The following OXSR1 variants were observed in gnomAD, a reference collection of about 807,000 sequenced individuals.
OXSR1 encodes the protein oxidative stress responsive kinase 1.
In OXSR1, 24 loss-of-function variants were observed where a neutral mutation model predicts 79.8. The ratio of observed to expected loss-of-function variants is 0.30; its 90% CI spans 0.22 to 0.42. The LOEUF (loss-of-function observed/expected upper bound fraction) is 0.42. Ranked by LOEUF, OXSR1 falls within the 10% of genes least tolerant of loss-of-function variation. OXSR1 has a pLI of 1.00. For missense variants in OXSR1, 430 were observed against 618.4 expected (o/e 0.70, Z 3.23); for synonymous variants, 226 against 209.2 (o/e 1.08, Z -0.69).
chr3:38,187,348 G>A (rs568983349), intron 2 of OXSR1, among the ~76,000 whole-genome samples: 30 of 152,220 alleles, frequency 2.0e-4, no homozygotes, highest in Middle Eastern at 3.4e-3. Context: ...CAGAGATATC[G>A]AGACTCTAAA....
chr3:38,207,519 C>T (rs1021652144), intron 4 of OXSR1, among the ~76,000 whole-genome samples: 1 of 152,126 alleles, frequency 6.6e-6, no homozygotes, highest in African/African-American at 2.4e-5. Flanking sequence ...TTTAGCAATA[C>T]CTGGAGCCAT....
intron 1 of OXSR1, among the ~76,000 whole-genome samples, chr3:38,169,589 G>A (rs1447188625): frequency 6.6e-6 from 1 of 151,964 alleles, no homozygotes; most frequent in African/African-American, 2.4e-5. Flanking sequence ...ACAGGGGTGA[G>A]CCACTGCGCC....
chr3:38,181,378 CAG>C (rs1180936989), intron 1 of OXSR1, among the ~76,000 whole-genome samples: 3 of 125,604 alleles, frequency 2.4e-5, no homozygotes, highest in African/African-American at 6.1e-5. Context: ...TTTTTTGAGA[CAG>C]AGTCTCACTC....
chr3:38,199,262 T>A (rs944397147), intron 4 of OXSR1, among the ~76,000 whole-genome samples: 1 of 151,902 alleles, frequency 6.6e-6, no homozygotes, highest in African/African-American at 2.4e-5. Flanking sequence ...TTTAAAATTA[T>A]AGCCTTTTTT....
intron 11 of OXSR1, among the ~76,000 whole-genome samples, chr3:38,241,133 A>C (rs1370596129): frequency 6.6e-6 from 1 of 152,186 alleles, no homozygotes; most frequent in East Asian, 1.9e-4. Flanking sequence ...GAAGTAGGAA[A>C]ATTCCTTGAC....
chr3:38,243,749 TA>T (rs1488804418), intron 12 of OXSR1, among the ~76,000 whole-genome samples: 2 of 152,230 alleles, frequency 1.3e-5, no homozygotes, highest in Admixed American at 1.3e-4. Context: ...GTATTAAGAG[TA>T]AAAACAAATA....
At chr3:38,181,645 C>T (rs902567994) in intron 1 of OXSR1, among the ~76,000 whole-genome samples, 5 of 152,076 alleles carry the variant, frequency 3.3e-5, no homozygotes, top group South Asian at 4.1e-4. Flanking sequence ...CCACCATGCC[C>T]GGCCTGTTTC....
intron 2 of OXSR1, among the ~76,000 whole-genome samples, chr3:38,187,884 C>T (rs1701912504): frequency 1.3e-5 from 2 of 152,026 alleles, no homozygotes; most frequent in African/African-American, 4.8e-5. Context: ...CTGTACCTGG[C>T]CTATAAAGGA....
intron 12 of OXSR1, among the ~76,000 whole-genome samples, chr3:38,244,863 G>A (rs942499520): frequency 1.3e-5 from 2 of 151,806 alleles, no homozygotes; most frequent in Non-Finnish European, 2.9e-5. Flanking sequence ...ATTTTTTGAG[G>A]GACCATCATA....
chr3:38,193,984 A>G (rs1702030017), intron 3 of OXSR1, among the ~76,000 whole-genome samples: 2 of 152,212 alleles, frequency 1.3e-5, no homozygotes, highest in South Asian at 4.1e-4. Flanking sequence ...AACGTTAGGC[A>G]ACATTTAGAA....
chr3:38,185,550 C>T (rs944761320), intron 2 of OXSR1, among the ~76,000 whole-genome samples: 48 of 152,294 alleles, frequency 3.2e-4, no homozygotes, highest in African/African-American at 1.2e-3. Context: ...TGTGCCACTG[C>T]ACTCCAGCTT....
In OXSR1 at chr3:38,251,415, G is replaced by T; in HGVS notation, c.1388G>T (p.Gly463Val). 1 of 1,613,370 alleles carries T rather than the reference G, an allele frequency of 6.2e-7. No homozygotes were observed. The change falls in exon 16 of 18, where the codon GGT becomes GTT. Residue 463 changes from glycine to valine, a missense_variant. By Grantham distance (109) the Gly-to-Val change is moderately radical. Around this residue, in one of 3 missense-constraint regions of OXSR1, gnomAD observed 276 missense variants for 354.2 expected, o/e 0.78. Coordinates refer to ENST00000311806, the MANE Select transcript of OXSR1 (RefSeq NM_005109.3). ...EFTPGRDTAE[G>V]VSQELISAGL... ...TTTGTCCTTGCAGATACAGCAGAGG[G>T]TGTCTCTCAGGAACTCATTTCTGCT...
intron 9 of OXSR1, among the ~76,000 whole-genome samples, 156 bp from the exon 10 acceptor site, chr3:38,230,209 A>G (rs1702776233): frequency 6.6e-6 from 1 of 152,220 alleles, no homozygotes; most frequent in Admixed American, 6.5e-5. Context: ...GTAGTAACAT[A>G]CTAAAGGAGC....
chr3:38,243,361 C>T (rs891155827), intron 12 of OXSR1, among the ~76,000 whole-genome samples: 22 of 152,092 alleles, frequency 1.4e-4, no homozygotes, highest in African/African-American at 4.8e-4. Context: ...AATTTGTTTG[C>T]GAATTTGTCA....
chr3:38,195,975 T>C (rs114849031), intron 3 of OXSR1, among the ~76,000 whole-genome samples: 2,785 of 152,300 alleles, frequency 0.018, 98 homozygotes, highest in African/African-American at 0.063. Flanking sequence ...AACGGACAGC[T>C]TTCATCAAAA....
At chr3:38,217,292 GA>G (rs901745442) in intron 5 of OXSR1, among the ~76,000 whole-genome samples, 2 of 151,988 alleles carry the variant, frequency 1.3e-5, no homozygotes, top group Non-Finnish European at 2.9e-5. Flanking sequence ...ATAAAGCAAG[GA>G]AAAAAATCTC....
intron 11 of OXSR1, 22 bp from the exon 12 acceptor site, chr3:38,242,721 A>T: frequency 6.6e-7 from 1 of 1,507,434 alleles, no homozygotes; most frequent in East Asian, 2.4e-5. Context: ...GTTAACAATC[A>T]TCCTTTTTGT....
At chr3:38,179,414 G>A (rs963816457) in intron 1 of OXSR1, among the ~76,000 whole-genome samples, 6 of 151,778 alleles carry the variant, frequency 4.0e-5, no homozygotes, top group Admixed American at 2.0e-4. Flanking sequence ...CAGTCCTCCC[G>A]CCTTGGCCTC....
chr3:38,228,550 C>T (rs1289290871), intron 8 of OXSR1, among the ~76,000 whole-genome samples: 1 of 152,102 alleles, frequency 6.6e-6, no homozygotes, highest in Non-Finnish European at 1.5e-5. Context: ...GTTTGAGGTA[C>T]AGCCTGGTCA....
Sources: gnomAD v4.1 joint callset for allele counts (sites outside exome capture counted in the v4.1 genomes callset) on GRCh38, gnomAD v4.1.1 for gene constraint, gnomAD v4.1.1 regional missense constraint, MANE v1.5 for transcripts, NCBI Gene and HGNC (gene_info 2026-07-23, HGNC 2026-07-21) for gene names.